CD109: variants seen among roughly 807,000 people sequenced by gnomAD.
CD109 encodes the protein CD109 molecule.
CD109 carries 149 observed loss-of-function variants against 165.8 expected under a neutral mutation model. The observed-to-expected ratio is 0.90, with a 90% CI of 0.79 to 1.03. The LOEUF is 1.03. Among genes scored for constraint, CD109 ranks in the 50% least tolerant of loss-of-function variants. The pLI, the probability that CD109 is intolerant of heterozygous loss-of-function variation, is 0.00. For missense variants in CD109, 1,712 were observed against 1,677.8 expected (o/e 1.02, Z -0.36); for synonymous variants, 585 against 592.1 (o/e 0.99, Z 0.18).
chr6:73,710,377 A>C lies in CD109; in HGVS notation c.247+12805A>C, dbSNP rs539871198. ...AGAGAATAAAATACCTAGGAATCCA[A>C]CTTACAAGGGATGTGAAGGACCTCT... On this transcript the variant is annotated intron_variant, in intron 2 of 32. Transcript: ENST00000287097. 6.6e-3 allele frequency among the ~76,000 whole-genome samples: 998 copies of C among 152,266 alleles called. 3 individuals are homozygous for C. The highest frequency in any genetic ancestry group is 0.011 in the Non-Finnish European group (751 of 68,024).
chr6:73,696,309 G>A lies in CD109; in HGVS notation c.74+20G>A. ...TCCCGGGTAGGAACGTGGGCGCGCG[G>A]GGGGCGCGCGGGCGCGCGGGCCTGG... On this transcript the variant is annotated intron_variant, in intron 1 of 32. Transcript: ENST00000287097. The A allele has an allele frequency of 1.4e-6, 2 of 1,404,710 alleles. No homozygotes were observed. The highest frequency in any genetic ancestry group is 1.9e-6 in the Non-Finnish European group (2 of 1,069,102). 87.0% of individuals were successfully genotyped at this position (1,404,710 alleles called of 1,614,324 possible).
At position 73,792,662 on chromosome 6, in the gene CD109, C is replaced by T. The variant is rs201743080; in HGVS notation, c.2738C>T (p.Ser913Leu). The stretch of plus-strand genomic sequence containing the variant: ...GGTCCTTCCATCAATGGCTTAGCCT[C>T]ATTGATTCGGATGCCTTATGGCTGT... ...VLGPSINGLA[S>L]LIRMPYGCGE... Residue 913 changes from serine (S) to leucine (L), a missense_variant, in exon 23 of 33, where the codon TCA becomes TTA. Ser to Leu is a moderately radical substitution (Grantham distance 145). Coordinates refer to ENST00000287097, the MANE Select transcript of CD109 (RefSeq NM_133493.5). 15 of 1,613,322 alleles carry T rather than the reference C, an allele frequency of 9.3e-6. No individual in the cohort carries two copies. The highest frequency in any genetic ancestry group is 1.1e-5 in the Non-Finnish European group (13 of 1,179,940).
chr6:73,789,416 G>GT (rs75457567), intron 22 of CD109, among the ~76,000 whole-genome samples: 2 of 151,056 alleles, frequency 1.3e-5, no homozygotes, highest in South Asian at 2.1e-4. Flanking sequence ...ATACTTAACT[G>GT]TTTTTTTTTG....
intron 5 of CD109, among the ~76,000 whole-genome samples, chr6:73,737,845 G>A (rs527727619): frequency 2.0e-5 from 3 of 152,266 alleles, no homozygotes; most frequent in African/African-American, 4.8e-5. Flanking sequence ...GAATGATGGC[G>A]GTGTAGATTA....
chr6:73,688,541 G>T, the CD109 span, among the ~76,000 whole-genome samples: 65 of 152,202 alleles, frequency 4.3e-4, no homozygotes, highest in African/African-American at 1.5e-3. Flanking sequence ...TTTTCTGTGC[G>T]ATGAGAGAGT....
intron 5 of CD109, among the ~76,000 whole-genome samples, chr6:73,741,123 G>A (rs1004245403): frequency 6.7e-6 from 1 of 149,482 alleles, no homozygotes; most frequent in Non-Finnish European, 1.5e-5. Context: ...TACAATGCTA[G>A]TTTAATCAAA....
At chr6:73,747,962 C>A (rs1045534939) in intron 5 of CD109, among the ~76,000 whole-genome samples, 3 of 151,906 alleles carry the variant, frequency 2.0e-5, no homozygotes, top group Non-Finnish European at 2.9e-5. Flanking sequence ...CTCCACCTCC[C>A]GAGTTCAAGT....
rs535038925 is a variant in CD109 at position 73,810,213 on chromosome 6, A to G, written c.3546+39A>G. 4.6e-5 allele frequency: 31 copies of G among 667,648 alleles called. No individual in the cohort carries two copies. In the South Asian group the frequency reaches 1.5e-3, roughly 33 times the overall value. The allele number at this position is 667,648 out of a possible 1,614,324, so 41.4% of individuals were successfully genotyped here. On this transcript the variant is annotated intron_variant, in intron 27 of 32. Coordinates refer to ENST00000287097, the MANE Select transcript of CD109 (RefSeq NM_133493.5). ...GTTTTTTCCCTTTAAACTATAATAT[A>G]TAATATAGATTTATTTATTATATAT... is the stretch of plus-strand genomic sequence containing the variant.
chr6:73,809,051 G>A (rs1775667365), intron 26 of CD109, among the ~76,000 whole-genome samples: 1 of 152,054 alleles, frequency 6.6e-6, no homozygotes, highest in African/African-American at 2.4e-5. Flanking sequence ...AGAGGCTGAA[G>A]CAGTCTTTGA....
At chr6:73,782,778 G>T (rs1311642465) in intron 18 of CD109, 23 bp downstream of exon 18, 2 of 1,608,882 alleles carry the variant, frequency 1.2e-6, no homozygotes, top group Admixed American at 3.4e-5. Flanking sequence ...AAAGTTCTTT[G>T]CCCATACATA....
intron 5 of CD109, among the ~76,000 whole-genome samples, chr6:73,749,602 G>C (rs1011059773): frequency 1.3e-5 from 2 of 152,174 alleles, no homozygotes; most frequent in Non-Finnish European, 2.9e-5. Flanking sequence ...ATTTTACTTT[G>C]AATTTCAATC....
chr6:73,793,704 C>A (rs568586895), intron 23 of CD109, among the ~76,000 whole-genome samples: 3 of 152,176 alleles, frequency 2.0e-5, no homozygotes, highest in African/African-American at 7.2e-5. Context: ...CTGAAATACT[C>A]CAAAAGCTTA....
chr6:73,792,575 G>C, intron 22 of CD109, 51 bp from the exon 23 acceptor site: 1 of 1,538,656 alleles, frequency 6.5e-7, no homozygotes, highest in Non-Finnish European at 8.9e-7. Flanking sequence ...CCACCAGCAG[G>C]TCGTTGTTAC....
At chr6:73,786,708 T>C (rs1053937242) in intron 20 of CD109, among the ~76,000 whole-genome samples, 1 of 152,232 alleles carries the variant, frequency 6.6e-6, no homozygotes, top group African/African-American at 2.4e-5. Flanking sequence ...CTATTATTGA[T>C]GAGACTTGCA....
rs189962821 is a variant in CD109, at chr6:73,799,227, A to G, written c.2879-3993A>G. ...AAACTAAAACATGATAAAATGAACT[A>G]GAGTAGTGATAATGCCTATCATTTA... is the stretch of plus-strand genomic sequence containing the variant. On this transcript the variant is annotated intron_variant, in intron 23 of 32. Transcript: ENST00000287097. 9.4e-4 allele frequency among the ~76,000 whole-genome samples: 143 copies of G among 152,328 alleles called. 1 individual carries two copies. The Middle Eastern group carries it at 0.024, about 25-fold the overall frequency.
intron 1 of CD109, among the ~76,000 whole-genome samples, chr6:73,696,804 G>A (rs1407377782): frequency 6.6e-6 from 1 of 152,128 alleles, no homozygotes; most frequent in Non-Finnish European, 1.5e-5. Flanking sequence ...CTAACCCCTA[G>A]TTATAGCAGA....
chr6:73,758,862 T>G (rs918052591), intron 6 of CD109, 82 bp from the exon 7 acceptor site: 1 of 728,920 alleles, frequency 1.4e-6, no homozygotes, highest in Non-Finnish European at 2.4e-6. Context: ...AAGATGATAG[T>G]GAAGTAGATT....
At chr6:73,762,632 G>C in intron 8 of CD109, 109 bp from the exon 9 acceptor site, 2 of 995,634 alleles carry the variant, frequency 2.0e-6, no homozygotes, top group South Asian at 3.3e-5. Flanking sequence ...CAATTATAGC[G>C]ATTAAAATGG....
chr6:73,747,837 T>G (rs1319606706), intron 5 of CD109, among the ~76,000 whole-genome samples: 1 of 152,048 alleles, frequency 6.6e-6, no homozygotes, highest in East Asian at 1.9e-4. Flanking sequence ...CAGGCCTTCA[T>G]CAATTCCCAC....
Sources: gnomAD v4.1 joint callset for allele counts (sites outside exome capture counted in the v4.1 genomes callset) on GRCh38, gnomAD v4.1.1 for gene constraint, MANE v1.5 for transcripts, NCBI Gene and HGNC (gene_info 2026-07-23, HGNC 2026-07-21) for gene names.